The following PAGE2B variants were observed in gnomAD, a reference collection of about 807,000 sequenced individuals.
The protein encoded by PAGE2B is putative G antigen family E member 3.
Under a neutral mutation model 7.6 loss-of-function variants are expected in PAGE2B, and 5 were observed. The ratio of observed to expected loss-of-function variants is 0.66; its 90% CI spans 0.34 to 1.38. The LOEUF (loss-of-function observed/expected upper bound fraction) is 1.38, where lower values mean the gene tolerates loss of function less well. PAGE2B is among the 40% of genes most tolerant of loss of function. The probability of loss-of-function intolerance (pLI) is 0.04; values close to 1 mark genes in which losing one functional copy is unlikely to be tolerated. For synonymous variants in PAGE2B, 29 were observed against 26.7 expected, an observed-to-expected ratio of 1.09 and a Z score of -0.27; for missense variants, 70 against 78.4, an observed-to-expected ratio of 0.89 and a Z score of 0.41.
the PAGE2B span, among the ~76,000 whole-genome samples, chrX:55,061,713 G>T: frequency 1.2e-4 from 13 of 110,496 alleles, no homozygotes; most frequent in African/African-American, 3.3e-4. Context: ...ATATTTTTGC[G>T]CCCATTAACC....
chrX:55,030,370 A>T, the PAGE2B span, among the ~76,000 whole-genome samples: 4 of 111,107 alleles, frequency 3.6e-5, no homozygotes, highest in Non-Finnish European at 5.7e-5. Flanking sequence ...TACCCAATTC[A>T]TCATTCCCAT....
chrX:55,063,695 T>C, the PAGE2B span, among the ~76,000 whole-genome samples: 2 of 111,593 alleles, frequency 1.8e-5, no homozygotes, highest in Non-Finnish European at 3.8e-5. Flanking sequence ...TATGGACCTG[T>C]TGTATATAGT....
the PAGE2B span, among the ~76,000 whole-genome samples, chrX:55,052,665 G>T: frequency 8.9e-6 from 1 of 112,970 alleles, no homozygotes; most frequent in Non-Finnish European, 1.9e-5. Context: ...GAAAAGTGCA[G>T]TATTAGGGTG....
At chrX:55,051,305 A>G in the PAGE2B span, among the ~76,000 whole-genome samples, 1 of 110,489 alleles carries the variant, frequency 9.1e-6, no homozygotes, top group African/African-American at 3.3e-5. Flanking sequence ...GCTCTTCTCG[A>G]GGAGTATCTT....
chrX:55,035,830 T>A, the PAGE2B span, among the ~76,000 whole-genome samples: 1 of 112,334 alleles, frequency 8.9e-6, no homozygotes, highest in Non-Finnish European at 1.9e-5. Flanking sequence ...TTTCCAATTC[T>A]GTGAAGAAAG....
the PAGE2B span, among the ~76,000 whole-genome samples, chrX:55,047,859 C>T: frequency 1.8e-5 from 2 of 111,998 alleles, no homozygotes; most frequent in African/African-American, 6.5e-5. Context: ...GTTGCCATTG[C>T]TTTTGGTGTT....
chrX:55,043,175 C>T, the PAGE2B span, among the ~76,000 whole-genome samples: 6 of 111,615 alleles, frequency 5.4e-5, no homozygotes, highest in Admixed American at 2.9e-4. Flanking sequence ...TCATCTCTCA[C>T]GTTATACAAA....
At chrX:55,063,796 G>A in the PAGE2B span, among the ~76,000 whole-genome samples, 338 of 111,194 alleles carry the variant, frequency 3.0e-3, 4 homozygotes, top group African/African-American at 0.011. Flanking sequence ...TGCTTTTTCA[G>A]CATCAATTGA....
chrX:55,075,334 G>A (rs1467863706), intron 1 of PAGE2B, among the ~76,000 whole-genome samples: 1 of 111,720 alleles, frequency 9.0e-6, no homozygotes, highest in Non-Finnish European at 1.9e-5. Flanking sequence ...GCCACAGAGG[G>A]GAGGGATCGC....
At chrX:55,071,107 T>G (rs1936444324), upstream of PAGE2B, among the ~76,000 whole-genome samples, 1 of 112,177 alleles carries the variant, frequency 8.9e-6, no homozygotes, top group Non-Finnish European at 1.9e-5. Flanking sequence ...GCCAATTAGT[T>G]TATGCAGTTT....
At chrX:55,036,084 T>G in the PAGE2B span, among the ~76,000 whole-genome samples, 1 of 112,156 alleles carries the variant, frequency 8.9e-6, no homozygotes, top group African/African-American at 3.2e-5. Context: ...AGTTCACTCA[T>G]GATTTGGCTC....
At chrX:55,055,259 G>C in the PAGE2B span, 1 of 108,772 alleles carries the variant, frequency 9.2e-6, no homozygotes, top group Non-Finnish European at 1.9e-5. Context: ...CGGAGGCTGA[G>C]GCAGGAGAAT....
the PAGE2B span, among the ~76,000 whole-genome samples, chrX:55,050,035 A>G: frequency 6.2e-5 from 7 of 112,168 alleles, no homozygotes; most frequent in Admixed American, 9.5e-5. Context: ...TTCAAAGACC[A>G]TCTTTATTTC....
chrX:55,061,408 C>G, the PAGE2B span, among the ~76,000 whole-genome samples: 1 of 110,629 alleles, frequency 9.0e-6, no homozygotes, highest in Admixed American at 9.7e-5. Context: ...TCTCTACTCT[C>G]AAACAGACCC....
At chrX:55,044,522 G>A in the PAGE2B span, among the ~76,000 whole-genome samples, 138 of 110,483 alleles carry the variant, frequency 1.2e-3, 1 homozygote, top group Non-Finnish European at 3.2e-4. Context: ...CTTGGGTGAT[G>A]CATGCACCAT....
At chrX:55,049,255 G>T in the PAGE2B span, among the ~76,000 whole-genome samples, 1 of 111,589 alleles carries the variant, frequency 9.0e-6, no homozygotes, top group Non-Finnish European at 1.9e-5. Flanking sequence ...AGGGATATTG[G>T]TCTAAAATTC....
intron 1 of PAGE2B, 57 bp from the exon 2 acceptor site, chrX:55,075,977 C>A: frequency 2.9e-6 from 3 of 1,050,782 alleles, no homozygotes; most frequent in Non-Finnish European, 3.9e-6. Context: ...ATGGAATGTT[C>A]ATATATATAG....
the PAGE2B span, among the ~76,000 whole-genome samples, chrX:55,062,268 C>G: frequency 9.0e-6 from 1 of 111,428 alleles, no homozygotes; most frequent in Non-Finnish European, 1.9e-5. Context: ...TTATCATTGC[C>G]TGACTTTCAG....
the PAGE2B span, chrX:55,044,768 G>A: frequency 9.0e-6 from 1 of 111,517 alleles, no homozygotes; most frequent in Non-Finnish European, 1.9e-5. Context: ...GATTAATAAG[G>A]TTGTCCTGGT....
Sources: gnomAD v4.1 joint callset for allele counts (sites outside exome capture counted in the v4.1 genomes callset) on GRCh38, gnomAD v4.1.1 for gene constraint, MANE v1.5 for transcripts, NCBI Gene and HGNC (gene_info 2026-07-23, HGNC 2026-07-21) for gene names.